Variants in PCED1B observed in about 807,000 individuals in gnomAD.
PCED1B encodes the protein PC-esterase domain containing 1B, also known as PC-esterase domain-containing protein 1B.
For synonymous variants in PCED1B, 251 were observed against 246.1 expected (o/e 1.02, Z -0.19); for missense variants, 573 against 573.9 (o/e 1.00, Z 0.02).
intron 2 of PCED1B, among the ~76,000 whole-genome samples, chr12:47,108,129 A>G (rs1939037191): frequency 6.6e-6 from 1 of 152,164 alleles, no homozygotes; most frequent in Non-Finnish European, 1.5e-5. Flanking sequence ...CAAATTGTTG[A>G]CTTGCAAGAT....
chr12:47,222,458 G>A (rs539925905), intron 3 of PCED1B, among the ~76,000 whole-genome samples: 2 of 149,810 alleles, frequency 1.3e-5, no homozygotes, highest in East Asian at 3.9e-4. Context: ...AGAGAATTGG[G>A]AAGTGATAGG....
intron 2 of PCED1B, among the ~76,000 whole-genome samples, chr12:47,160,447 A>G (rs904157979): frequency 6.6e-6 from 1 of 150,962 alleles, no homozygotes. Flanking sequence ...GATTATAGGA[A>G]TGCACCACCA....
intron 2 of PCED1B, among the ~76,000 whole-genome samples, chr12:47,104,635 A>G (rs1435821763): frequency 6.6e-6 from 1 of 152,184 alleles, no homozygotes; most frequent in Non-Finnish European, 1.5e-5. Context: ...TGTACCCTGG[A>G]GGGAAAAAAC....
At chr12:47,135,743 G>T (rs753925428) in intron 2 of PCED1B, 3 of 532,538 alleles carry the variant, frequency 5.6e-6, no homozygotes, top group Non-Finnish European at 1.1e-5. Flanking sequence ...GGTCGGGCAC[G>T]GAGGTCTCAC....
chr12:47,213,897 T>C (rs1943169246), intron 2 of PCED1B, among the ~76,000 whole-genome samples: 1 of 152,194 alleles, frequency 6.6e-6, no homozygotes, highest in African/African-American at 2.4e-5. Context: ...AGAGTATAAG[T>C]GTGATTATCA....
At chr12:47,103,351 C>A (rs550851760) in intron 1 of PCED1B, among the ~76,000 whole-genome samples, 49 of 152,132 alleles carry the variant, frequency 3.2e-4, no homozygotes, top group Non-Finnish European at 6.5e-4. Flanking sequence ...CTGTGCAGCA[C>A]CAATCACCCT....
chr12:47,115,282 C>T (rs745788432), intron 2 of PCED1B, among the ~76,000 whole-genome samples: 2 of 152,118 alleles, frequency 1.3e-5, no homozygotes, highest in Non-Finnish European at 2.9e-5. Context: ...TCTGCCCAAA[C>T]GACATTAAAC....
chr12:47,190,952 G>C (rs1429893791), intron 2 of PCED1B, among the ~76,000 whole-genome samples: 1 of 152,156 alleles, frequency 6.6e-6, no homozygotes, highest in African/African-American at 2.4e-5. Context: ...CATCAAGGAG[G>C]TCTCCATGAC....
intron 2 of PCED1B, among the ~76,000 whole-genome samples, chr12:47,137,132 G>T (rs1438297020): frequency 3.9e-5 from 6 of 152,130 alleles, no homozygotes; most frequent in African/African-American, 1.4e-4. Context: ...ATGTCTTATT[G>T]CCATTCTCCA....
chr12:47,140,386 C>T (rs1204411320), intron 2 of PCED1B, among the ~76,000 whole-genome samples: 1 of 151,996 alleles, frequency 6.6e-6, no homozygotes, highest in African/African-American at 2.4e-5. Context: ...GTTTGAAAAC[C>T]CAGGGATTCT....
chr12:47,181,776 A>G (rs1386836839), intron 2 of PCED1B, among the ~76,000 whole-genome samples: 2 of 152,154 alleles, frequency 1.3e-5, no homozygotes, highest in African/African-American at 4.8e-5. Context: ...CTGAAAAAAA[A>G]AAAGTAAAAC....
At chr12:47,225,820 A>G (rs996611471) in intron 3 of PCED1B, among the ~76,000 whole-genome samples, 4 of 152,250 alleles carry the variant, frequency 2.6e-5, no homozygotes, top group African/African-American at 9.6e-5. Context: ...TCTGTGGTTT[A>G]AAACTTCTCT....
At chr12:47,227,299 G>A (rs1943661555) in intron 3 of PCED1B, among the ~76,000 whole-genome samples, 1 of 152,062 alleles carries the variant, frequency 6.6e-6, no homozygotes, top group South Asian at 2.1e-4. Flanking sequence ...AGCCTCATGA[G>A]TGGCTGGGAT....
intron 1 of PCED1B, among the ~76,000 whole-genome samples, chr12:47,090,079 C>G (rs1027908363): frequency 1.3e-5 from 2 of 152,166 alleles, no homozygotes; most frequent in African/African-American, 4.8e-5. Context: ...GGCCTGAAGT[C>G]TTAATATACA....
chr12:47,121,966 G>C (rs1184513966), intron 2 of PCED1B, among the ~76,000 whole-genome samples: 1 of 149,600 alleles, frequency 6.7e-6, no homozygotes, highest in Non-Finnish European at 1.5e-5. Flanking sequence ...TAGGGAGGTT[G>C]CAGTGAGCTG....
chr12:47,146,169 A>G (rs553723335), intron 2 of PCED1B, among the ~76,000 whole-genome samples: 2 of 152,306 alleles, frequency 1.3e-5, no homozygotes, highest in East Asian at 3.9e-4. Context: ...GCAAATAGCA[A>G]TGCAACTAGA....
chr12:47,154,019 T>C lies in PCED1B; in HGVS notation c.-526+49824T>C, dbSNP rs58665206. On this transcript the variant is annotated intron_variant, in intron 2 of 3. Coordinates refer to ENST00000546455, the MANE Select transcript of PCED1B (RefSeq NM_138371.3). ...ACCTACTATGCTATATTCCACTATG[T>C]CACATGCATTTAACGTATTACATCA... Among the ~76,000 whole-genome samples the C allele has an allele frequency of 3.0e-3, 453 of 152,362 alleles. 4 individuals carry two copies. Among genetic ancestry groups the C allele is most frequent in the African/African-American group, 0.01 (436 of 41,596 alleles).
At chr12:47,155,233 A>G (rs2137473843) in intron 2 of PCED1B, among the ~76,000 whole-genome samples, 1 of 152,328 alleles carries the variant, frequency 6.6e-6, no homozygotes, top group South Asian at 2.1e-4. Context: ...TGTTCCATAT[A>G]CTGAAAGGAG....
chr12:47,104,474 C>G (rs1353757943), intron 2 of PCED1B, among the ~76,000 whole-genome samples: 1 of 152,178 alleles, frequency 6.6e-6, no homozygotes. Flanking sequence ...GGTAAGAGCT[C>G]TGTAATGTGT....
Sources: allele counts gnomAD v4.1 joint callset (sites outside exome capture counted in the v4.1 genomes callset), GRCh38; gene constraint gnomAD v4.1.1; transcripts MANE v1.5; gene names NCBI Gene and HGNC (gene_info 2026-07-23, HGNC 2026-07-21).